The following SLC25A51 variants were observed in gnomAD, a reference collection of about 807,000 sequenced individuals.
SLC25A51 encodes mitochondrial nicotinamide adenine dinucleotide transporter SLC25A51.
A neutral mutation model predicts 19.1 loss-of-function variants in SLC25A51; 11 were observed. That is an observed-to-expected ratio of 0.58 (90% confidence interval 0.36 to 0.96). The LOEUF (loss-of-function observed/expected upper bound fraction) is 0.96, where lower values mean the gene tolerates loss of function less well. SLC25A51 is among the 40% of genes least tolerant of loss of function. The pLI is 0.01. For synonymous variants in SLC25A51, 105 were observed against 133.6 expected (o/e 0.79, Z 1.47); for missense variants, 201 against 365.4 (o/e 0.55, Z 3.67).
At chr9:37,882,806 C>T (rs1391721755), downstream of SLC25A51, among the ~76,000 whole-genome samples, 2 of 152,174 alleles carry the variant, frequency 1.3e-5, no homozygotes, top group Non-Finnish European at 2.9e-5. Flanking sequence ...ACAGAAAGGC[C>T]ACTTTTAAAG....
At chr9:37,886,924 G>A (rs1482154896), downstream of SLC25A51, among the ~76,000 whole-genome samples, 2 of 152,000 alleles carry the variant, frequency 1.3e-5, no homozygotes, top group Non-Finnish European at 2.9e-5. Context: ...AGCACTTTGG[G>A]AGGCCGAGGC....
intron 2 of SLC25A51, among the ~76,000 whole-genome samples, chr9:37,892,272 AC>A (rs1184171621): frequency 6.6e-6 from 1 of 152,134 alleles, no homozygotes; most frequent in Admixed American, 6.5e-5. Context: ...GCAGGACATG[AC>A]CCGTGGGCTC....
At chr9:37,896,728 G>A (rs902519044) in intron 2 of SLC25A51, among the ~76,000 whole-genome samples, 6 of 152,146 alleles carry the variant, frequency 3.9e-5, no homozygotes, top group African/African-American at 9.7e-5. Flanking sequence ...CCCAGGAGGC[G>A]GAGGTTGCAG....
chr9:37,896,616 C>A (rs538300575), intron 2 of SLC25A51, among the ~76,000 whole-genome samples: 1 of 152,026 alleles, frequency 6.6e-6, no homozygotes, highest in East Asian at 1.9e-4. Flanking sequence ...GCCAACATGG[C>A]GAAACTCCAT....
intron 2 of SLC25A51, among the ~76,000 whole-genome samples, chr9:37,891,337 G>A (rs1470949975): frequency 1.3e-5 from 2 of 152,150 alleles, no homozygotes; most frequent in East Asian, 1.9e-4. Context: ...CTGCCCGGCC[G>A]CCACCCTGTC....
At chr9:37,887,128 A>G (rs1209135701), downstream of SLC25A51, among the ~76,000 whole-genome samples, 3 of 152,162 alleles carry the variant, frequency 2.0e-5, no homozygotes, top group Non-Finnish European at 4.4e-5. Context: ...CAGCCTGACC[A>G]ACATGGTGAA....
At chr9:37,887,020 A>C (rs1300173313), downstream of SLC25A51, among the ~76,000 whole-genome samples, 2 of 148,318 alleles carry the variant, frequency 1.3e-5, no homozygotes, top group South Asian at 2.1e-4. Flanking sequence ...AAAAAAAAAA[A>C]AATTAGCTGG....
intron 2 of SLC25A51, among the ~76,000 whole-genome samples, chr9:37,890,451 C>A (rs987503576): frequency 2.0e-5 from 3 of 152,068 alleles, no homozygotes; most frequent in African/African-American, 7.2e-5. Flanking sequence ...CACTTGTCAT[C>A]CCAGCACTTT....
At chr9:37,896,504 T>G (rs1587168422) in intron 2 of SLC25A51, among the ~76,000 whole-genome samples, 1 of 152,158 alleles carries the variant, frequency 6.6e-6, no homozygotes. Flanking sequence ...ATATTTAAAA[T>G]AGGCTGGGTG....
At chr9:37,886,254 T>A (rs1247571890), downstream of SLC25A51, 10 of 1,611,824 alleles carry the variant, frequency 6.2e-6, no homozygotes, top group Non-Finnish European at 8.5e-6. Flanking sequence ...GAGAATGTGA[T>A]CCGAGAATTT....
chr9:37,902,684 T>C (rs1354815646), intron 1 of SLC25A51, among the ~76,000 whole-genome samples: 1 of 152,260 alleles, frequency 6.6e-6, no homozygotes, highest in Admixed American at 6.5e-5. Flanking sequence ...TTATTTACCA[T>C]AACTTTACGC....
intron 1 of SLC25A51, among the ~76,000 whole-genome samples, chr9:37,901,757 T>C (rs1403281167): frequency 6.6e-6 from 1 of 152,248 alleles, no homozygotes; most frequent in Non-Finnish European, 1.5e-5. Flanking sequence ...CTTAATATGA[T>C]TAACTTCAAG....
At chr9:37,891,033 G>A (rs573179725) in intron 2 of SLC25A51, among the ~76,000 whole-genome samples, 13 of 152,296 alleles carry the variant, frequency 8.5e-5, no homozygotes, top group African/African-American at 2.9e-4. Context: ...AGTAGAAAGC[G>A]TAGAGCTGAG....
rs544263409 is a variant in SLC25A51 at position 37,898,366 on chromosome 9, A to G, written c.-43+1463T>C. Reference sequence around the variant, plus strand: ...AGGTCAGGAGTTCAAGACCAGCCTGACCAACATGGAGAAATCCTGTCTCTA... The same window carrying G: ...AGGTCAGGAGTTCAAGACCAGCCTGGCCAACATGGAGAAATCCTGTCTCTA... On this transcript the variant is annotated intron_variant, in intron 2 of 2. Transcript: ENST00000242275. Among the ~76,000 whole-genome samples the G allele has an allele frequency of 3.0e-3, 453 of 152,142 alleles. 1 individual carries two copies. Among genetic ancestry groups the G allele is most frequent in the Non-Finnish European group, 5.4e-3 (369 of 67,960 alleles).
At chr9:37,894,752 C>T (rs1406703145) in intron 2 of SLC25A51, among the ~76,000 whole-genome samples, 4 of 152,140 alleles carry the variant, frequency 2.6e-5, no homozygotes, top group Admixed American at 1.3e-4. Flanking sequence ...GTTATCTTTC[C>T]TGATCCTCTC....
At chr9:37,885,149 A>G (rs766640586), downstream of SLC25A51, among the ~76,000 whole-genome samples, 1 of 152,038 alleles carries the variant, frequency 6.6e-6, no homozygotes, top group Non-Finnish European at 1.5e-5. Context: ...GGAGTAACAA[A>G]GGAAGCCTGA....
intron 2 of SLC25A51, among the ~76,000 whole-genome samples, chr9:37,889,588 T>C (rs1459979736): frequency 6.6e-6 from 1 of 151,836 alleles, no homozygotes; most frequent in Non-Finnish European, 1.5e-5. Context: ...ACCAGTATTC[T>C]CTTTTGTTCT....
At chr9:37,882,541 C>T (rs1466603013) in intron 2 of SLC25A51, among the ~76,000 whole-genome samples, 9 of 152,180 alleles carry the variant, frequency 5.9e-5, no homozygotes. Flanking sequence ...ACACAACCAA[C>T]CATGTTAAGA....
downstream of SLC25A51, chr9:37,886,131 C>A: frequency 7.0e-7 from 1 of 1,422,862 alleles, no homozygotes; most frequent in Non-Finnish European, 9.9e-7. Flanking sequence ...GTGAGCACAT[C>A]ACCCCTCACC....
Sources: gnomAD v4.1 joint callset for allele counts (sites outside exome capture counted in the v4.1 genomes callset) on GRCh38, gnomAD v4.1.1 for gene constraint, MANE v1.5 for transcripts, NCBI Gene and HGNC (gene_info 2026-07-23, HGNC 2026-07-21) for gene names.